The following RFX4 variants were observed in gnomAD, a reference collection of about 807,000 sequenced individuals.
The protein encoded by RFX4 is transcription factor RFX4.
In RFX4, 10 loss-of-function variants were observed where a neutral mutation model predicts 95.0. The observed-to-expected ratio is 0.11, with a 90% confidence interval of 0.06 to 0.18. RFX4 has a LOEUF of 0.18. Among genes scored for constraint, RFX4 ranks in the 10% least tolerant of loss-of-function variants. The probability of loss-of-function intolerance (pLI) is 1.00; values close to 1 mark genes in which losing one functional copy is unlikely to be tolerated. For synonymous variants in RFX4, 321 were observed against 340.7 expected (o/e 0.94, Z 0.64); for missense variants, 640 against 922.0 (o/e 0.69, Z 3.96).
chr12:106,685,138 C>T (rs529725336), intron 5 of RFX4, among the ~76,000 whole-genome samples: 6 of 152,242 alleles, frequency 3.9e-5, no homozygotes, highest in African/African-American at 9.6e-5. Flanking sequence ...CTGTGAAAAT[C>T]GACTCTAGAC....
chr12:106,648,443 G>T (rs537357660), intron 3 of RFX4, among the ~76,000 whole-genome samples: 2 of 151,980 alleles, frequency 1.3e-5, no homozygotes, highest in East Asian at 1.9e-4. Flanking sequence ...ACAGGGAGCC[G>T]TTGACGGGTG....
chr12:106,675,747 A>G (rs991714674), intron 4 of RFX4, among the ~76,000 whole-genome samples: 2 of 152,228 alleles, frequency 1.3e-5, no homozygotes, highest in African/African-American at 4.8e-5. Flanking sequence ...GACATTAGGC[A>G]GAAAAAGGGT....
intron 14 of RFX4, 65 bp downstream of exon 14, chr12:106,732,314 C>T (rs978701353): frequency 1.9e-6 from 3 of 1,581,970 alleles, no homozygotes; most frequent in African/African-American, 1.4e-5. Context: ...TACTTCTGTG[C>T]TTTATGTTTC....
rs1220912500 is a variant in RFX4 at position 106,732,959 on chromosome 12, G to A, written c.1507G>A (p.Ala503Thr). ...VREEIILTEAAAPTPSPVPSF... is the reference protein window; with the variant it reads ...VREEIILTEATAPTPSPVPSF... Reference sequence around the variant, plus strand: ...AGAAGAGATCATCTTGACAGAGGCTGCCGCACCAACCCCTTCACCAGTGCC... The same window carrying A: ...AGAAGAGATCATCTTGACAGAGGCTACCGCACCAACCCCTTCACCAGTGCC... Residue 503 changes from alanine (A) to threonine (T), a missense_variant, in exon 15 of 18, where the codon GCC (alanine) becomes ACC (threonine). Ala to Thr is a moderately conservative substitution (Grantham distance 58). Coordinates refer to ENST00000392842, the MANE Select transcript of RFX4 (RefSeq NM_213594.3). 5 of 1,614,140 alleles carry A rather than the reference G, an allele frequency of 3.1e-6. No homozygotes were observed. In the South Asian group the frequency reaches 3.3e-5, roughly 11 times the overall value.
intron 1 of RFX4, among the ~76,000 whole-genome samples, chr12:106,593,644 C>A (rs937100208): frequency 5.3e-5 from 8 of 152,202 alleles, no homozygotes; most frequent in Non-Finnish European, 1.0e-4. Flanking sequence ...AGTTACATTA[C>A]ACTTTTGAAG....
intron 1 of RFX4, chr12:106,601,390 C>A: frequency 6.5e-7 from 1 of 1,544,696 alleles, no homozygotes; most frequent in South Asian, 1.2e-5. Flanking sequence ...GTGGGCCTGG[C>A]ACCCTCAGGG....
rs186799145 is a variant in RFX4 at position 106,698,965 on chromosome 12, C to T, written c.833+2519C>T. ...TTGTGCTTGCTTTGGGTTTATTTTG[C>T]TCTTCTTTTTTTAGTTTCTTTAAGT... On this transcript the variant is annotated intron_variant, in intron 8 of 17. Coordinates refer to ENST00000392842, the MANE Select transcript of RFX4 (RefSeq NM_213594.3). Among the ~76,000 whole-genome samples, 552 of 151,966 alleles carry T rather than the reference C, an allele frequency of 3.6e-3. 2 individuals carry two copies. Among genetic ancestry groups the T allele is most frequent in the African/African-American group, 0.013 (528 of 41,506 alleles).
intron 17 of RFX4, among the ~76,000 whole-genome samples, chr12:106,757,624 A>G (rs1322834717): frequency 6.6e-6 from 1 of 151,920 alleles, no homozygotes; most frequent in Non-Finnish European, 1.5e-5. Flanking sequence ...CCTTCTCCAG[A>G]AGAAGCTAAG....
chr12:106,633,110 C>T (rs1210434237), intron 2 of RFX4, among the ~76,000 whole-genome samples: 1 of 152,200 alleles, frequency 6.6e-6, no homozygotes, highest in Non-Finnish European at 1.5e-5. Flanking sequence ...GGGTGTGACA[C>T]ACCTCCTACT....
chr12:106,636,155 A>C (rs2040506471), intron 2 of RFX4, among the ~76,000 whole-genome samples: 2 of 152,118 alleles, frequency 1.3e-5, no homozygotes, highest in Admixed American at 6.6e-5. Context: ...ATAATGCTCC[A>C]GTCACCTGAG....
At chr12:106,746,167 C>T (rs7957579) in intron 15 of RFX4, among the ~76,000 whole-genome samples, 1 of 152,022 alleles carries the variant, frequency 6.6e-6, no homozygotes, top group African/African-American at 2.4e-5. Flanking sequence ...ACCAGCCTGA[C>T]CAACATGGTG....
At chr12:106,701,165 G>A (rs1408192639) in intron 8 of RFX4, among the ~76,000 whole-genome samples, 3 of 152,140 alleles carry the variant, frequency 2.0e-5, no homozygotes, top group South Asian at 2.1e-4. Flanking sequence ...GAATTAACAC[G>A]TTTTTCACTT....
In RFX4 at chr12:106,761,613, G is replaced by A; in HGVS notation, c.*144G>A. 2.1e-6 allele frequency: 1 copy of A among 475,994 alleles called. No homozygotes were observed. The highest frequency in any genetic ancestry group is 3.1e-6 in the Non-Finnish European group (1 of 326,538). The allele number at this position is 475,994 out of a possible 1,614,324, so 29.5% of individuals were successfully genotyped here. On this transcript the variant is annotated 3_prime_UTR_variant, in exon 18 of 18. Coordinates refer to ENST00000392842, the MANE Select transcript of RFX4 (RefSeq NM_213594.3). The stretch of plus-strand genomic sequence containing the variant: ...AAGTGCCCATTTTCCTAATGAACAT[G>A]AGGATGGGATCAATGTGGGATGAAT...
chr12:106,720,647 A>T lies in RFX4; in HGVS notation c.1234-112A>T. On this transcript the variant is annotated intron_variant, in intron 12 of 17. Transcript: ENST00000392842. This position sits in a 1 kb window ranked among gnomAD's most constrained non-coding sequence, Gnocchi z 4.2. ...GATCATCCGCCCACCTTGGCCTCCC[A>T]AAGTGCTGGGATTACAGGCGTGAGC... The T allele has an allele frequency of 9.5e-7, 1 of 1,053,150 alleles. No homozygotes were observed. The highest frequency in any genetic ancestry group is 1.8e-5 in the Admixed American group (1 of 54,702). 65.2% of individuals were successfully genotyped at this position (1,053,150 alleles called of 1,614,324 possible). A position where few individuals can be genotyped will look rare whatever the true frequency, so the allele number is the denominator to read the frequency against.
At chr12:106,760,306 C>T (rs1216829133) in intron 17 of RFX4, among the ~76,000 whole-genome samples, 2 of 152,228 alleles carry the variant, frequency 1.3e-5, no homozygotes, top group Non-Finnish European at 2.9e-5. Flanking sequence ...CCTCCCCTTC[C>T]TCCCCTCTGA....
intron 4 of RFX4, among the ~76,000 whole-genome samples, chr12:106,680,392 A>C (rs570642060): frequency 1.8e-4 from 27 of 152,330 alleles, no homozygotes; most frequent in African/African-American, 6.5e-4. Flanking sequence ...GGAAGACTAC[A>C]CAACCCCTTA....
rs2042386118 is a variant in RFX4, at chr12:106,720,981, C to T, written c.1351+105C>T. On this transcript the variant is annotated intron_variant, in intron 13 of 17. Coordinates refer to ENST00000392842, the MANE Select transcript of RFX4 (RefSeq NM_213594.3). This position sits in a 1 kb window ranked among gnomAD's most constrained non-coding sequence, Gnocchi z 4.2. The stretch of plus-strand genomic sequence containing the variant: ...ACTTGCTGTTTCTGCAAGGTCATCA[C>T]CCTGAAACACATCTCTTCTGGGGAG... 4.5e-6 allele frequency: 4 copies of T among 896,818 alleles called. No individual in the cohort carries two copies. Among genetic ancestry groups the T allele is most frequent in the South Asian group, 4.3e-5 (3 of 70,250 alleles). 55.6% of individuals were successfully genotyped at this position (896,818 alleles called of 1,614,324 possible).
intron 2 of RFX4, among the ~76,000 whole-genome samples, chr12:106,618,858 T>A (rs1395956166): frequency 2.0e-5 from 3 of 152,198 alleles, no homozygotes; most frequent in East Asian, 1.9e-4. Context: ...ATAGAGTTTT[T>A]AAAAATATTT....
At position 106,761,362 on chromosome 12, in the gene RFX4, A is replaced by G; in HGVS notation, c.2101A>G (p.Met701Val). 6.2e-7 allele frequency: 1 copy of G among 1,614,168 alleles called. No homozygotes were observed. ...HSARYGNSSD[M>V]YTPLTTRRNS... The stretch of plus-strand genomic sequence containing the variant: ...TGCGAGGTACGGAAACTCTAGTGAC[A>G]TGTATACACCTCTGACAACGCGCAG... The change falls in exon 18 of 18, where the codon ATG becomes GTG. Residue 701 changes from methionine (M) to valine (V), a missense_variant. Met to Val is a conservative substitution (Grantham distance 21, BLOSUM62 1). Transcript: ENST00000392842.
Sources: allele counts gnomAD v4.1 joint callset (sites outside exome capture counted in the v4.1 genomes callset), GRCh38; gene constraint gnomAD v4.1.1; non-coding constraint Gnocchi (gnomAD v3.1); transcripts MANE v1.5; gene names NCBI Gene and HGNC (gene_info 2026-07-23, HGNC 2026-07-21).